LEPROTL1: variants seen among roughly 807,000 people sequenced by gnomAD.
LEPROTL1 encodes the protein leptin receptor overlapping transcript-like 1.
In LEPROTL1, 6 loss-of-function variants were observed where a neutral mutation model predicts 15.4. The ratio of observed to expected loss-of-function variants is 0.39; its 90% confidence interval spans 0.21 to 0.77. LEPROTL1 has a LOEUF of 0.77. LEPROTL1 is among the 30% of genes least tolerant of loss of function. The pLI is 0.41. For missense variants in LEPROTL1, 128 were observed against 158.1 expected (o/e 0.81, Z 1.02); for synonymous variants, 56 against 52.6 (o/e 1.06, Z -0.28).
In LEPROTL1 at chr8:30,134,802, C is replaced by T. The variant is rs180859998; in HGVS notation, c.394+2313C>T. On this transcript the variant is annotated intron_variant, in intron 4 of 4. Coordinates refer to the LEPROTL1 transcript ENST00000442880. Reference sequence around the variant, plus strand: ...ATCTCAGGAGATCTGCCCGCCTCGGCCTCCCAAAGTGCTAGGATTACAGGT... The same window carrying T: ...ATCTCAGGAGATCTGCCCGCCTCGGTCTCCCAAAGTGCTAGGATTACAGGT... 1.3e-3 allele frequency among the ~76,000 whole-genome samples: 202 copies of T among 152,266 alleles called. 6 individuals carry two copies. The East Asian group carries it at 0.036, about 27-fold the overall frequency.
intron 3 of LEPROTL1, among the ~76,000 whole-genome samples, chr8:30,117,131 C>CTGGG (rs1294399636): frequency 6.6e-6 from 1 of 151,820 alleles, no homozygotes; most frequent in Non-Finnish European, 1.5e-5. Context: ...TATTGTAATC[C>CTGGG]TAGGGAATTA....
exon 5 of LEPROTL1, chr8:30,137,466 AG>A: frequency 6.4e-7 from 1 of 1,551,706 alleles, no homozygotes; most frequent in Non-Finnish European, 8.7e-7. Context: ...TGTGGGCTCT[AG>A]GATTCCTGCT....
chr8:30,106,185 C>CT lies in LEPROTL1; in HGVS notation c.*329dup. On this transcript the variant is annotated 3_prime_UTR_variant, in exon 4 of 4. Coordinates refer to ENST00000321250, the MANE Select transcript of LEPROTL1 (RefSeq NM_015344.3). ...TGGAATCAATATGCAATGTTAAACA[C>CT]TTTTTTAATGTAATCATTTGCATTG... 1.0e-6 allele frequency: 1 copy of CT among 988,996 alleles called. No individual in the cohort carries two copies. The highest frequency in any genetic ancestry group is 1.1e-4 in the East Asian group (1 of 9,100). The allele number at this position is 988,996 out of a possible 1,614,324, so 61.3% of individuals were successfully genotyped here. A position where few individuals can be genotyped will look rare whatever the true frequency, so the allele number is the denominator to read the frequency against.
intron 3 of LEPROTL1, among the ~76,000 whole-genome samples, chr8:30,115,081 G>GGC (rs1237851172): frequency 6.6e-6 from 1 of 152,086 alleles, no homozygotes; most frequent in African/African-American, 2.4e-5. Context: ...TAAATACTGT[G>GGC]GCCCAGGAGT....
chr8:30,102,307 A>G (rs140737925), intron 2 of LEPROTL1, among the ~76,000 whole-genome samples: 1,688 of 144,104 alleles, frequency 0.012, 12 homozygotes, highest in Non-Finnish European at 0.018. Context: ...TTTGCAAAAA[A>G]ATACCATAAG....
exon 5 of LEPROTL1, chr8:30,137,562 G>A: frequency 8.2e-7 from 1 of 1,215,108 alleles, no homozygotes; most frequent in South Asian, 1.4e-5. Context: ...GTGATGATTA[G>A]TCACAAAATC....
chr8:30,103,870 T>C (rs1802511916), intron 2 of LEPROTL1, among the ~76,000 whole-genome samples: 2 of 152,192 alleles, frequency 1.3e-5, no homozygotes, highest in Non-Finnish European at 2.9e-5. Flanking sequence ...CTTTTTAACT[T>C]TTTATTTTGA....
intron 1 of LEPROTL1, among the ~76,000 whole-genome samples, chr8:30,096,705 T>C (rs1802373153): frequency 6.6e-6 from 1 of 152,194 alleles, no homozygotes; most frequent in Admixed American, 6.5e-5. Context: ...TTCTTCAGTG[T>C]CAATAATGCG....
intron 3 of LEPROTL1, among the ~76,000 whole-genome samples, chr8:30,121,290 T>C (rs1460974765): frequency 6.6e-6 from 1 of 152,174 alleles, no homozygotes; most frequent in East Asian, 1.9e-4. Flanking sequence ...TCTCACTCTG[T>C]CGCCCAGGCT....
downstream of LEPROTL1, among the ~76,000 whole-genome samples, chr8:30,110,503 C>T (rs182197709): frequency 2.5e-4 from 38 of 151,950 alleles, no homozygotes; most frequent in African/African-American, 7.0e-4. Flanking sequence ...GGTTGGGGGG[C>T]GGTGCGGATC....
At chr8:30,095,996 G>T (rs912412198) in intron 1 of LEPROTL1, 4 of 635,846 alleles carry the variant, frequency 6.3e-6, no homozygotes, top group African/African-American at 1.8e-5. Flanking sequence ...GGCGCTGCAC[G>T]GGTCTGCCCG....
intron 3 of LEPROTL1, among the ~76,000 whole-genome samples, chr8:30,118,019 G>GGTTGTT (rs751348725): frequency 3.7e-5 from 1 of 26,766 alleles, no homozygotes. Context: ...TTTTTGATTT[G>GGTTGTT]TTTTTTTTTT....
chr8:30,125,170 A>G (rs1802886884), intron 3 of LEPROTL1, among the ~76,000 whole-genome samples: 1 of 152,252 alleles, frequency 6.6e-6, no homozygotes, highest in South Asian at 2.1e-4. Context: ...GCAAGAACCA[A>G]GTAAGACAAA....
chr8:30,130,949 T>A (rs1369101328), intron 3 of LEPROTL1, among the ~76,000 whole-genome samples: 1 of 151,740 alleles, frequency 6.6e-6, no homozygotes, highest in Non-Finnish European at 1.5e-5. Context: ...CCGGCTAATT[T>A]TTGTATTTTT....
chr8:30,103,023 G>A (rs1055098176), intron 2 of LEPROTL1, among the ~76,000 whole-genome samples: 1 of 152,148 alleles, frequency 6.6e-6, no homozygotes, highest in African/African-American at 2.4e-5. Flanking sequence ...GATATATTTA[G>A]TGGGGGAGAG....
chr8:30,123,494 T>C (rs1802861366), intron 3 of LEPROTL1, among the ~76,000 whole-genome samples: 1 of 152,184 alleles, frequency 6.6e-6, no homozygotes, highest in Admixed American at 6.5e-5. Context: ...CTCTCAGCAG[T>C]GTTTCATAGT....
chr8:30,111,892 T>G (rs918917507), downstream of LEPROTL1, among the ~76,000 whole-genome samples: 3 of 152,152 alleles, frequency 2.0e-5, no homozygotes, highest in African/African-American at 4.8e-5. Context: ...GGACAGCTTT[T>G]TGATTCTGAC....
chr8:30,131,572 G>T (rs1398843761), intron 3 of LEPROTL1, among the ~76,000 whole-genome samples: 5 of 152,090 alleles, frequency 3.3e-5, no homozygotes, highest in African/African-American at 1.2e-4. Flanking sequence ...TGTTGCTAAA[G>T]TTCCCATTCC....
intron 3 of LEPROTL1, among the ~76,000 whole-genome samples, chr8:30,116,683 C>T (rs1802746208): frequency 6.6e-6 from 1 of 152,196 alleles, no homozygotes; most frequent in African/African-American, 2.4e-5. Context: ...GATAAATGTC[C>T]TTCTGTTCCT....
Sources: allele counts gnomAD v4.1 joint callset (sites outside exome capture counted in the v4.1 genomes callset), GRCh38; gene constraint gnomAD v4.1.1; transcripts MANE v1.5; gene names NCBI Gene and HGNC (gene_info 2026-07-23, HGNC 2026-07-21).